The following DMPK variants were observed in gnomAD, a reference collection of about 807,000 sequenced individuals.
The protein encoded by DMPK is DM1 protein kinase.
Under a neutral mutation model 70.3 loss-of-function variants are expected in DMPK, and 32 were observed. The observed-to-expected ratio is 0.46, with a 90% confidence interval of 0.34 to 0.61. DMPK has a LOEUF of 0.61. Among genes scored for constraint, DMPK ranks in the 20% least tolerant of loss-of-function variants. The pLI is 0.01. For missense variants in DMPK, 899 were observed against 886.0 expected, an observed-to-expected ratio of 1.01 and a Z score of -0.19; for synonymous variants, 469 against 390.9, an observed-to-expected ratio of 1.20 and a Z score of -2.36.
chr19:45,780,638 C>CG (rs1025904228), intron 1 of DMPK: 11 of 994,000 alleles, frequency 1.1e-5, no homozygotes, highest in African/African-American at 3.5e-5. Context: ...CCTGGACTCC[C>CG]GGGGGTGGAA....
At position 45,770,471 on chromosome 19, in the gene DMPK, G is replaced by C. The variant is rs768809469; in HGVS notation, c.*17C>G. On this transcript the variant is annotated 3_prime_UTR_variant, in exon 15 of 15. Transcript: ENST00000291270. ...AGTCTTCCAACGGGGCCCCGGAGTC[G>C]AAGACAGTTCTAGGGTTCAGGGAGC... 4.9e-4 allele frequency: 762 copies of C among 1,549,692 alleles called. 1 individual carries two copies. The highest frequency in any genetic ancestry group is 6.4e-4 in the Non-Finnish European group (730 of 1,146,770).
chr19:45,770,718 G>T (rs924606275), intron 14 of DMPK, 78 bp from the exon 15 acceptor site: 4 of 1,470,828 alleles, frequency 2.7e-6, no homozygotes, highest in Admixed American at 4.2e-5. Flanking sequence ...TACGCCCATA[G>T]GTGGGCCCGC....
intron 6 of DMPK, 102 bp downstream of exon 6, chr19:45,778,025 A>C: frequency 8.0e-7 from 1 of 1,252,100 alleles, no homozygotes; most frequent in Non-Finnish European, 1.1e-6. Context: ...CCTGGGTCAC[A>C]CCACCTCTTT....
intron 8 of DMPK, 47 bp from the exon 9 acceptor site, chr19:45,775,081 C>T: frequency 6.7e-7 from 1 of 1,493,726 alleles, no homozygotes; most frequent in Non-Finnish European, 9.2e-7. Context: ...GGGCGGGCCC[C>T]TCACTGCTTT....
Position 45,771,365 on chromosome 19 carries a change from C to T in DMPK, c.1632G>A (p.Thr544=), listed in dbSNP as rs1178535534. ...AVTGVPSPRA[T]DPPSHLDGPP... is the part of the protein sequence containing the mutation. ...GGGGTCTTACATGGGAAGGTGGATC[C>T]GTGGCCCGGGGACTGGGGACCCCCG... The change falls in exon 13 of 15, where the codon ACG becomes ACA. Residue 544 remains threonine (T), a synonymous_variant. Coordinates refer to ENST00000291270, the MANE Select transcript of DMPK (RefSeq NM_004409.5). 3 of 1,600,728 alleles carry T rather than the reference C, an allele frequency of 1.9e-6. No homozygotes were observed. Among genetic ancestry groups the T allele is most frequent in the East Asian group, 4.5e-5 (2 of 44,818 alleles).
At position 45,769,818 on chromosome 19, in the gene DMPK, C is replaced by T. The variant is rs1254819839; in HGVS notation, c.*670G>A. On this transcript the variant is annotated 3_prime_UTR_variant, in exon 15 of 15. Transcript: ENST00000291270. ...AGGAATGTCGGGGTCTCAGTGCATC[C>T]AAAACGTGGATTGGGGTTGTTGGGG... The T allele has an allele frequency of 4.6e-6, 1 of 216,412 alleles. No individual in the cohort carries two copies. Among genetic ancestry groups the T allele is most frequent in the Non-Finnish European group, 9.4e-6 (1 of 106,442 alleles). 13.4% of individuals were successfully genotyped at this position (216,412 alleles called of 1,614,324 possible). A position where few individuals can be genotyped will look rare whatever the true frequency, so the allele number is the denominator to read the frequency against.
Position 45,777,873 on chromosome 19 carries a change from C to A in DMPK, c.676G>T (p.Val226Leu), listed in dbSNP as rs1969868337. ...SCLKLRADGT[V>L]RSLVAVGTPD... ...GTGCCCACAGCCACCAGCGACCGCA[C>A]CTGGACCAAAAGGAGCAGAGCGAGG... The change falls in exon 7 of 15, where the codon GTG becomes TTG. Residue 226 changes from valine to leucine, a missense_variant and splice_region_variant. This residue lies in a region of DMPK where 195 missense variants were observed against 259.7 expected (regional missense o/e 0.75). Coordinates refer to ENST00000291270, the MANE Select transcript of DMPK (RefSeq NM_004409.5). This position sits in a 1 kb window ranked among gnomAD's most constrained non-coding sequence, Gnocchi z 6.7. The A allele has an allele frequency of 4.4e-6, 7 of 1,606,538 alleles. No individual in the cohort carries two copies. Among genetic ancestry groups the A allele is most frequent in the Non-Finnish European group, 5.1e-6 (6 of 1,178,782 alleles).
chr19:45,781,014 G>A (rs1264811216), intron 1 of DMPK, among the ~76,000 whole-genome samples: 1 of 152,186 alleles, frequency 6.6e-6, no homozygotes, highest in Non-Finnish European at 1.5e-5. Flanking sequence ...AGAGTCATTA[G>A]GGGCTGTGGG....
At chr19:45,781,396 G>A (rs1199053997) in intron 1 of DMPK, among the ~76,000 whole-genome samples, 1 of 152,036 alleles carries the variant, frequency 6.6e-6, no homozygotes, top group East Asian at 1.9e-4. Flanking sequence ...GCCCTGGAAA[G>A]CCCTTGCAAG....
chr19:45,770,109 G>C lies in DMPK; in HGVS notation c.*379C>G, dbSNP rs1339653248. 5 of 599,384 alleles carry C rather than the reference G, an allele frequency of 8.3e-6. No homozygotes were observed. The highest frequency in any genetic ancestry group is 1.5e-5 in the Non-Finnish European group (5 of 335,230). 37.1% of individuals were successfully genotyped at this position (599,384 alleles called of 1,614,324 possible). ...TGGGGGTGCGTGGAGGATGGAACAC[G>C]GACGGCCCGGCTTGCTGCCTTCCCA... On this transcript the variant is annotated 3_prime_UTR_variant, in exon 15 of 15. Transcript: ENST00000291270.
Position 45,779,252 on chromosome 19 carries a change from C to A in DMPK, c.432+12G>T. 1 of 1,613,586 alleles carries A rather than the reference C, an allele frequency of 6.2e-7. No homozygotes were observed. Among genetic ancestry groups the A allele is most frequent in the Non-Finnish European group, 8.5e-7 (1 of 1,179,610 alleles). On this transcript the variant is annotated intron_variant, in intron 4 of 14. Transcript: ENST00000291270. ...TTGTCCCTCTTCCTAGTCACCCCGG[C>A]CCGGAGCTCACCAGGTAGTTCTCAT...
intron 9 of DMPK, among the ~76,000 whole-genome samples, chr19:45,773,005 G>A (rs190123449): frequency 2.0e-5 from 3 of 152,290 alleles, no homozygotes; most frequent in Admixed American, 2.0e-4. Flanking sequence ...GGGACTTGGG[G>A]TCCAGACCCC....
rs1447580858 is a variant in DMPK at position 45,777,330 on chromosome 19, G to A, written c.1143C>T (p.Gly381=). 3.2e-6 allele frequency: 5 copies of A among 1,567,744 alleles called. No homozygotes were observed. The highest frequency in any genetic ancestry group is 1.2e-5 in the South Asian group (1 of 83,858). ...EDGLTAMVSG[G]GETLSDIREG... ...AGCAGGGGCCACAGGTACCTACCCC[G>A]CCCCCGCTCACCATGGCAGTGAGCC... The change falls in exon 8 of 15, where the codon GGC becomes GGT. Residue 381 remains glycine, a synonymous_variant. Coordinates refer to ENST00000291270, the MANE Select transcript of DMPK (RefSeq NM_004409.5). The surrounding 1 kb of genome is among the most constrained non-coding windows in gnomAD (Gnocchi z 6.7).
chr19:45,772,740 G>A lies in DMPK; in HGVS notation c.1245C>T (p.Val415=), dbSNP rs1969541910. 6.7e-7 allele frequency: 1 copy of A among 1,500,234 alleles called. No individual in the cohort carries two copies. The highest frequency in any genetic ancestry group is 1.5e-5 in the African/African-American group (1 of 67,750). The allele number at this position is 1,500,234 out of a possible 1,614,324, so 92.9% of individuals were successfully genotyped here. Reference sequence around the variant, plus strand: ...CCAGTTCCATGGGTGTGGGGCCTGGGACCTCACTGTCCCTGGGGAGAGGAG... The same window carrying A: ...CCAGTTCCATGGGTGTGGGGCCTGGAACCTCACTGTCCCTGGGGAGAGGAG... ...YSCMALRDSE[V]PGPTPMELEA... Residue 415 remains valine (V), a synonymous_variant, in exon 10 of 15, where the codon GTC becomes GTT. Transcript: ENST00000291270.
At position 45,780,187 on chromosome 19, in the gene DMPK, G is replaced by C. The variant is rs1970040524; in HGVS notation, c.161-318C>G. The C allele has an allele frequency of 5.5e-6, 8 of 1,450,412 alleles. No individual in the cohort carries two copies. The South Asian group carries it at 8.9e-5, about 16-fold the overall frequency. The allele number at this position is 1,450,412 out of a possible 1,614,324, so 89.8% of individuals were successfully genotyped here. Reference sequence around the variant, plus strand: ...GGACAGACCCTAAAGAACAAGGGGAGAAGGAAATAAGACCCAGTTCTTCCA... The same window carrying C: ...GGACAGACCCTAAAGAACAAGGGGACAAGGAAATAAGACCCAGTTCTTCCA... On this transcript the variant is annotated intron_variant, in intron 1 of 14. Coordinates refer to ENST00000291270, the MANE Select transcript of DMPK (RefSeq NM_004409.5).
In DMPK at chr19:45,770,527, G is replaced by A. The variant is rs767105379; in HGVS notation, c.1851C>T (p.Thr617=). 1.5e-5 allele frequency: 23 copies of A among 1,550,624 alleles called. No individual in the cohort carries two copies. The South Asian group carries it at 2.3e-4, about 15-fold the overall frequency. Residue 617 remains threonine (T), a synonymous_variant, in exon 15 of 15, where the codon ACC becomes ACT. Coordinates refer to ENST00000291270, the MANE Select transcript of DMPK (RefSeq NM_004409.5). ...IGLVAHAGQL[T]AVWRRPGAAR... ...CGGCTCCTGGGCGGCGCCAGACTGC[G>A]GTGAGTTGGCCGGCGTGGGCCACCA...
chr19:45,770,773 T>C (rs1969355703), intron 14 of DMPK, 133 bp from the exon 15 acceptor site: 1 of 1,147,434 alleles, frequency 8.7e-7, no homozygotes, highest in Non-Finnish European at 1.2e-6. Context: ...CTACAGCTGT[T>C]GTTAGTCCAC....
At position 45,776,901 on chromosome 19, in the gene DMPK, A is replaced by C. The variant is rs1015862542; in HGVS notation, c.1146+426T>G. 5.3e-5 allele frequency: 9 copies of C among 169,748 alleles called. 1 individual carries two copies. In the South Asian group the frequency reaches 1.4e-3, roughly 27 times the overall value. The allele number at this position is 169,748 out of a possible 1,614,324, so 10.5% of individuals were successfully genotyped here. On this transcript the variant is annotated intron_variant, in intron 8 of 14. Coordinates refer to ENST00000291270, the MANE Select transcript of DMPK (RefSeq NM_004409.5). ...CCGTGCTGGATCCCCAGTATTGTTC[A>C]GCAAAAGGGCACCCAGAGCCGAGCA...
At chr19:45,771,419 T>C (rs769190636) in intron 12 of DMPK, 23 bp from the exon 13 acceptor site, 6 of 1,609,686 alleles carry the variant, frequency 3.7e-6, no homozygotes, top group South Asian at 1.1e-5. Flanking sequence ...GAAAGAGGCA[T>C]AGGGCGCGTG....
Sources: allele counts gnomAD v4.1 joint callset (sites outside exome capture counted in the v4.1 genomes callset), GRCh38; gene constraint gnomAD v4.1.1; regional missense constraint gnomAD v4.1.1; non-coding constraint Gnocchi (gnomAD v3.1); transcripts MANE v1.5; gene names NCBI Gene and HGNC (gene_info 2026-07-23, HGNC 2026-07-21).